FAT3: variants seen among roughly 807,000 people sequenced by gnomAD.
FAT3 encodes protocadherin Fat 3.
Under a neutral mutation model 310.2 loss-of-function variants are expected in FAT3, and 95 were observed. The observed-to-expected ratio is 0.31, with a 90% CI of 0.26 to 0.36. The LOEUF (loss-of-function observed/expected upper bound fraction) is 0.36. Ranked by LOEUF, FAT3 falls within the 10% of genes least tolerant of loss-of-function variation. The pLI, the probability that FAT3 is intolerant of heterozygous loss-of-function variation, is 1.00. For synonymous variants in FAT3, 2,314 were observed against 2,192.9 expected (o/e 1.06, Z -1.54); for missense variants, 5,408 against 5,715.6 (o/e 0.95, Z 1.74).
intron 14 of FAT3, 44 bp downstream of exon 14, chr11:92,832,055 G>T: frequency 2.0e-6 from 3 of 1,489,724 alleles, no homozygotes; most frequent in Non-Finnish European, 2.7e-6. Flanking sequence ...CTTCAGCTTG[G>T]CACGGTGGCT....
chr11:92,485,830 ATGATTTGATGACAGGACTTC>A (rs1952364493), intron 2 of FAT3, among the ~76,000 whole-genome samples: 1 of 152,172 alleles, frequency 6.6e-6, no homozygotes, highest in Non-Finnish European at 1.5e-5. Flanking sequence ...ACAACCCCTA[ATGATTTGATGACAGGACTTC>A]TGATTGGGCA....
At chr11:92,634,990 C>T (rs1181474961) in intron 3 of FAT3, among the ~76,000 whole-genome samples, 1 of 152,180 alleles carries the variant, frequency 6.6e-6, no homozygotes, top group Non-Finnish European at 1.5e-5. Context: ...TGAAGACATA[C>T]CAACCATAAA....
intron 1 of FAT3, among the ~76,000 whole-genome samples, chr11:92,299,998 C>T (rs983347361): frequency 2.1e-4 from 32 of 152,110 alleles, no homozygotes; most frequent in African/African-American, 7.7e-4. Flanking sequence ...ATTCAACAAA[C>T]ATTATTAACT....
chr11:92,294,254 A>C (rs555572189), intron 1 of FAT3, among the ~76,000 whole-genome samples: 1 of 152,180 alleles, frequency 6.6e-6, no homozygotes, highest in Admixed American at 6.5e-5. Context: ...CACTAATCCT[A>C]TTCAATCAAG....
intron 2 of FAT3, among the ~76,000 whole-genome samples, chr11:92,494,320 A>C (rs1186802912): frequency 1.3e-5 from 2 of 152,014 alleles, no homozygotes; most frequent in African/African-American, 4.8e-5. Flanking sequence ...TGTGGCTACT[A>C]TCATCTACTT....
intron 4 of FAT3, among the ~76,000 whole-genome samples, chr11:92,700,407 A>C (rs1345422060): frequency 6.6e-6 from 1 of 152,102 alleles, no homozygotes; most frequent in East Asian, 1.9e-4. Context: ...TGCCATCATA[A>C]GTGATGGCGG....
intron 1 of FAT3, among the ~76,000 whole-genome samples, chr11:92,281,606 GC>G (rs1221656773): frequency 2.6e-5 from 4 of 152,088 alleles, no homozygotes; most frequent in Non-Finnish European, 4.4e-5. Context: ...TTAAGGGCAG[GC>G]ATGAGTCTTA....
chr11:92,364,619 A>G (rs974459843), intron 2 of FAT3, among the ~76,000 whole-genome samples: 1 of 152,240 alleles, frequency 6.6e-6, no homozygotes, highest in Non-Finnish European at 1.5e-5. Context: ...AATGGGCTGT[A>G]GTCTGTATTT....
intron 4 of FAT3, among the ~76,000 whole-genome samples, chr11:92,714,811 T>A (rs1944626298): frequency 6.6e-6 from 1 of 152,168 alleles, no homozygotes; most frequent in African/African-American, 2.4e-5. Flanking sequence ...TTCTAGCATC[T>A]AATAAGCACC....
intron 1 of FAT3, among the ~76,000 whole-genome samples, chr11:92,341,734 G>A (rs1246862543): frequency 1.3e-5 from 2 of 152,064 alleles, no homozygotes; most frequent in African/African-American, 4.8e-5. Context: ...TATATGTTAA[G>A]CTGTTTGGTT....
chr11:92,614,366 C>T (rs1380352643), intron 3 of FAT3, among the ~76,000 whole-genome samples: 1 of 152,178 alleles, frequency 6.6e-6, no homozygotes, highest in African/African-American at 2.4e-5. Flanking sequence ...ATTTCCTGAG[C>T]AATGTACGAG....
At chr11:92,777,289 T>C in intron 7 of FAT3, among the ~76,000 whole-genome samples, 1 of 152,196 alleles carries the variant, frequency 6.6e-6, no homozygotes, top group East Asian at 1.9e-4. Flanking sequence ...GCTTCACAAA[T>C]GTCAAATAAA....
chr11:92,812,686 T>G (rs1485455882), intron 13 of FAT3, among the ~76,000 whole-genome samples: 1 of 152,162 alleles, frequency 6.6e-6, no homozygotes, highest in Non-Finnish European at 1.5e-5. Context: ...TTCCAGCATT[T>G]TATAAAAACA....
At chr11:92,386,482 C>T (rs1260402503) in intron 2 of FAT3, among the ~76,000 whole-genome samples, 5 of 152,156 alleles carry the variant, frequency 3.3e-5, no homozygotes, top group South Asian at 2.1e-4. Context: ...GTATCTGGTC[C>T]CTAGTTCATT....
At chr11:92,239,358 G>A (rs921651220) in intron 1 of FAT3, among the ~76,000 whole-genome samples, 10 of 152,020 alleles carry the variant, frequency 6.6e-5, no homozygotes, top group Admixed American at 3.3e-4. Flanking sequence ...ACATCTGCAC[G>A]TGCATGGCAA....
At chr11:92,415,233 A>G (rs756668641) in intron 2 of FAT3, among the ~76,000 whole-genome samples, 1 of 152,198 alleles carries the variant, frequency 6.6e-6, no homozygotes, top group Non-Finnish European at 1.5e-5. Context: ...ACAAACCTAG[A>G]ATAATCCTGC....
intron 10 of FAT3, 93 bp downstream of exon 10, chr11:92,802,002 G>T (rs908784195): frequency 4.1e-6 from 5 of 1,218,914 alleles, no homozygotes; most frequent in Non-Finnish European, 3.4e-6. Flanking sequence ...AGGAAGATGG[G>T]ATAAGGAGTC....
chr11:92,868,932 A>G (rs1215243414), intron 22 of FAT3, among the ~76,000 whole-genome samples: 1 of 152,156 alleles, frequency 6.6e-6, no homozygotes, highest in Non-Finnish European at 1.5e-5. Flanking sequence ...CTGATGACCC[A>G]CTTGCCATAT....
Position 92,836,668 on chromosome 11 carries a change from C to T in FAT3, c.10189C>T (p.Leu3397Phe). The stretch of plus-strand genomic sequence containing the variant: ...ATTTACTGTAGATCCTGTCTTGGGA[C>T]TTGTGAAAGTTAAGAAGAAATTGGA... ...NEFTVDPVLG[L>F]VKVKKKLDRE... Residue 3397 changes from leucine to phenylalanine, a missense_variant, in exon 16 of 28, where the codon CTT (leucine) becomes TTT (phenylalanine). Around this residue, in one of 5 missense-constraint regions of FAT3, gnomAD observed 4,588 missense variants for 4,809.8 expected, o/e 0.95. Transcript: ENST00000525166. The T allele has an allele frequency of 6.2e-7, 1 of 1,613,464 alleles. No individual in the cohort carries two copies. Among genetic ancestry groups the T allele is most frequent in the Non-Finnish European group, 8.5e-7 (1 of 1,179,682 alleles).
Sources: gnomAD v4.1 joint callset for allele counts (sites outside exome capture counted in the v4.1 genomes callset) on GRCh38, gnomAD v4.1.1 for gene constraint, gnomAD v4.1.1 regional missense constraint, MANE v1.5 for transcripts, NCBI Gene and HGNC (gene_info 2026-07-23, HGNC 2026-07-21) for gene names.